Variants in USP33 observed in about 807,000 individuals in gnomAD.
USP33 encodes the protein ubiquitin carboxyl-terminal hydrolase 33.
In USP33, 46 loss-of-function variants were observed where a neutral mutation model predicts 124.2. The ratio of observed to expected loss-of-function variants is 0.37; its 90% CI spans 0.29 to 0.47. The LOEUF (loss-of-function observed/expected upper bound fraction) is 0.47, where lower values mean the gene tolerates loss of function less well. Among genes scored for constraint, USP33 ranks in the 20% least tolerant of loss-of-function variants. USP33 has a pLI of 0.99. For synonymous variants in USP33, 350 were observed against 352.3 expected (o/e 0.99, Z 0.07); for missense variants, 851 against 1,070.6 (o/e 0.79, Z 2.86).
At chr1:77,750,624 A>AAAGAAACAAAG (rs1680215884) in intron 1 of USP33, among the ~76,000 whole-genome samples, 1 of 123,290 alleles carries the variant, frequency 8.1e-6, no homozygotes, top group African/African-American at 3.2e-5. Context: ...CCTGACTTAA[A>AAAGAAACAAAG]AAAGAAAGAA....
chr1:77,759,160 G>A (rs748524114), intron 1 of USP33, among the ~76,000 whole-genome samples: 4 of 152,188 alleles, frequency 2.6e-5, no homozygotes, highest in African/African-American at 9.7e-5. Context: ...TTCCAGGGAC[G>A]ATGACACCTC....
intron 4 of USP33, 109 bp downstream of exon 4, chr1:77,740,768 T>TAGGCTTCTAA: frequency 1.3e-6 from 1 of 762,878 alleles, no homozygotes; most frequent in East Asian, 2.8e-5. Flanking sequence ...AGTTTTAACT[T>TAGGCTTCTAA]AGAGTGCAAA....
In USP33 at chr1:77,696,397, T is replaced by A. The variant is rs565206161; in HGVS notation, c.*920A>T. ...TACAATATAAGCGGCAATAAGTTAC[T>A]GATATCTGCTGACAAATTCCACTCA... On this transcript the variant is annotated 3_prime_UTR_variant, in exon 24 of 24. Coordinates refer to ENST00000370794, the MANE Select transcript of USP33 (RefSeq NM_201624.3). The A allele has an allele frequency of 6.5e-6, 1 of 152,806 alleles. No homozygotes were observed. Among genetic ancestry groups the A allele is most frequent in the Admixed American group, 6.5e-5 (1 of 15,302 alleles). The allele number at this position is 152,806 out of a possible 1,614,324, so 9.5% of individuals were successfully genotyped here.
intron 11 of USP33, among the ~76,000 whole-genome samples, chr1:77,724,007 T>C (rs753274054): frequency 4.0e-5 from 6 of 151,874 alleles, no homozygotes; most frequent in Non-Finnish European, 5.9e-5. Context: ...CCACCATAAA[T>C]GTACATATGA....
chr1:77,720,337 G>C, intron 15 of USP33: 7 of 985,260 alleles, frequency 7.1e-6, no homozygotes, highest in Non-Finnish European at 8.4e-6. Flanking sequence ...CTTTTTCTTA[G>C]TATGCTTTGC....
intron 1 of USP33, among the ~76,000 whole-genome samples, chr1:77,750,175 G>A (rs953250649): frequency 2.6e-5 from 4 of 151,988 alleles, no homozygotes; most frequent in South Asian, 4.2e-4. Context: ...AAAATTAGCC[G>A]TGCATAGTGG....
intron 21 of USP33, among the ~76,000 whole-genome samples, chr1:77,710,699 A>T (rs908327423): frequency 1.3e-5 from 2 of 152,196 alleles, no homozygotes; most frequent in Non-Finnish European, 2.9e-5. Context: ...AACATACTGG[A>T]CATCTTATTT....
intron 1 of USP33, among the ~76,000 whole-genome samples, chr1:77,742,820 A>C (rs1006068509): frequency 6.6e-6 from 1 of 152,210 alleles, no homozygotes; most frequent in Non-Finnish European, 1.5e-5. Context: ...TTTATAAGTT[A>C]TTCAATAAAC....
intron 17 of USP33, among the ~76,000 whole-genome samples, chr1:77,716,933 T>G (rs1350976646): frequency 2.0e-5 from 3 of 151,410 alleles, no homozygotes; most frequent in Non-Finnish European, 2.9e-5. Flanking sequence ...TGGTGCAATC[T>G]CAGCTCACTG....
At chr1:77,741,843 AAAAATG>A in intron 1 of USP33, 95 bp from the exon 2 acceptor site, 1 of 1,125,778 alleles carries the variant, frequency 8.9e-7, no homozygotes, top group Non-Finnish European at 1.2e-6. Context: ...TTAACATATT[AAAAATG>A]ATTAAAAGAT....
chr1:77,696,903 T>A lies in USP33; in HGVS notation c.*414A>T, dbSNP rs907667793. Reference sequence around the variant, plus strand: ...TTTGAGACTAGCCTGGCCAACATGGTGAAACCCCATCTCTACTAAAATACA... The same window carrying A: ...TTTGAGACTAGCCTGGCCAACATGGAGAAACCCCATCTCTACTAAAATACA... On this transcript the variant is annotated 3_prime_UTR_variant, in exon 24 of 24. Transcript: ENST00000370794. 3.9e-5 allele frequency: 6 copies of A among 152,754 alleles called. No individual in the cohort carries two copies. Among genetic ancestry groups the A allele is most frequent in the African/African-American group, 1.4e-4 (6 of 41,382 alleles). The allele number at this position is 152,754 out of a possible 1,614,324, so 9.5% of individuals were successfully genotyped here. A position where few individuals can be genotyped will look rare whatever the true frequency, so the allele number is the denominator to read the frequency against.
chr1:77,717,617 A>G (rs1676073935), intron 17 of USP33: 1 of 259,772 alleles, frequency 3.8e-6, no homozygotes, highest in Non-Finnish European at 7.2e-6. Flanking sequence ...TAGCAGTAAC[A>G]TCTGTTTTTA....
chr1:77,704,287 G>C (rs1014736423), intron 21 of USP33, among the ~76,000 whole-genome samples: 11 of 152,198 alleles, frequency 7.2e-5, no homozygotes, highest in African/African-American at 2.4e-5. Context: ...TCAAGGCATG[G>C]AATTAAAGTT....
Position 77,705,945 on chromosome 1 carries a change from T to C in USP33, c.2407-4474A>G, listed in dbSNP as rs187507996. Among the ~76,000 whole-genome samples, 89 of 152,344 alleles carry C rather than the reference T, an allele frequency of 5.8e-4. 1 individual carries two copies. Among genetic ancestry groups the C allele is most frequent in the Middle Eastern group, 3.4e-3 (1 of 294 alleles). ...TTTGTATGTCTTACACTTGGCATAATGTTTCTACTATTCATCCATGTTGCT... is the reference window on the plus strand; with the variant it reads ...TTTGTATGTCTTACACTTGGCATAACGTTTCTACTATTCATCCATGTTGCT... On this transcript the variant is annotated intron_variant, in intron 21 of 23. Coordinates refer to ENST00000370794, the MANE Select transcript of USP33 (RefSeq NM_201624.3).
Position 77,701,434 on chromosome 1 carries a change from GT to G in USP33, c.2443del (p.Thr815LeufsTer17). The G allele has an allele frequency of 6.2e-7, 1 of 1,613,002 alleles. No individual in the cohort carries two copies. Among genetic ancestry groups the G allele is most frequent in the Non-Finnish European group, 8.5e-7 (1 of 1,179,682 alleles). On this transcript the variant is annotated frameshift_variant, in exon 22 of 24. Coordinates refer to ENST00000370794, the MANE Select transcript of USP33 (RefSeq NM_201624.3). LOFTEE classifies it high-confidence loss of function. Reference protein sequence around the residue: ...RAFQKEDSPATFYCISMQWFR... With the variant: ...RAFQKEDSPAXFYCISMQWFR... ...CCACTGCATACTGATGCAATAAAAA[GT>G]AGCTGGAGAGTCCTCTTTTTGGAAC...
At chr1:77,749,638 T>C (rs1680097671) in intron 1 of USP33, among the ~76,000 whole-genome samples, 1 of 152,166 alleles carries the variant, frequency 6.6e-6, no homozygotes, top group Admixed American at 6.6e-5. Context: ...CTCCTCAGCC[T>C]CCCAAAGTGC....
intron 12 of USP33, among the ~76,000 whole-genome samples, chr1:77,722,672 T>C (rs1475209746): frequency 1.3e-5 from 2 of 152,186 alleles, no homozygotes; most frequent in African/African-American, 4.8e-5. Context: ...ATAACCTACA[T>C]TAAAACGACC....
At chr1:77,751,517 C>T (rs1163034649) in intron 1 of USP33, among the ~76,000 whole-genome samples, 1 of 151,990 alleles carries the variant, frequency 6.6e-6, no homozygotes, top group East Asian at 1.9e-4. Flanking sequence ...ATTACCCAGG[C>T]CTGGTGGCAT....
intron 1 of USP33, among the ~76,000 whole-genome samples, chr1:77,750,624 A>AAGAGAAAG (rs1553201871): frequency 1.3e-3 from 166 of 123,386 alleles, no homozygotes; most frequent in Non-Finnish European, 2.2e-3. Context: ...CCTGACTTAA[A>AAGAGAAAG]AAAGAAAGAA....
Sources: allele counts gnomAD v4.1 joint callset (sites outside exome capture counted in the v4.1 genomes callset), GRCh38; gene constraint gnomAD v4.1.1; transcripts MANE v1.5; gene names NCBI Gene and HGNC (gene_info 2026-07-23, HGNC 2026-07-21).